The following ASPH variants were observed in gnomAD, a reference collection of about 807,000 sequenced individuals.
The protein encoded by ASPH is aspartate beta-hydroxylase.
ASPH carries 100 observed loss-of-function variants against 118.4 expected under a neutral mutation model. The observed-to-expected ratio is 0.84, with a 90% CI of 0.72 to 1.00. The LOEUF is 1.00. Ranked by LOEUF, ASPH falls within the 50% of genes least tolerant of loss-of-function variation. The pLI is 0.00. For synonymous variants in ASPH, 315 were observed against 325.6 expected, an observed-to-expected ratio of 0.97 and a Z score of 0.35; for missense variants, 920 against 919.5, an observed-to-expected ratio of 1.00 and a Z score of -0.01.
At chr8:61,634,271 T>C (rs1299304091) in intron 12 of ASPH, among the ~76,000 whole-genome samples, 2 of 152,194 alleles carry the variant, frequency 1.3e-5, no homozygotes, top group African/African-American at 4.8e-5. Context: ...TTTAAAGACA[T>C]AGTGATCTGA....
intron 15 of ASPH, among the ~76,000 whole-genome samples, chr8:61,577,718 A>C (rs1019083576): frequency 7.9e-5 from 12 of 152,182 alleles, no homozygotes; most frequent in African/African-American, 2.9e-4. Context: ...CGAAGGGGGA[A>C]GATCCCCTTA....
chr8:61,642,987 T>G, intron 9 of ASPH, 67 bp from the exon 10 acceptor site: 1 of 1,348,858 alleles, frequency 7.4e-7, no homozygotes, highest in Non-Finnish European at 1.0e-6. Flanking sequence ...ATTGTTCAGT[T>G]AAAACAAAAT....
chr8:61,568,193 G>T (rs1832388579), intron 16 of ASPH, among the ~76,000 whole-genome samples: 1 of 152,202 alleles, frequency 6.6e-6, no homozygotes, highest in South Asian at 2.1e-4. Flanking sequence ...CATGGTGGCA[G>T]CCGTATGGAG....
chr8:61,672,246 AAAG>A (rs1040440199), intron 3 of ASPH, among the ~76,000 whole-genome samples: 3 of 152,194 alleles, frequency 2.0e-5, no homozygotes, highest in East Asian at 1.9e-4. Context: ...CAGATTAAAA[AAAG>A]AAGAAGAAAA....
intron 13 of ASPH, chr8:61,633,071 T>C (rs1760247758): frequency 6.4e-6 from 1 of 155,168 alleles, no homozygotes; most frequent in Admixed American, 6.5e-5. Flanking sequence ...TTATGCCATC[T>C]CTAAAATGCA....
At chr8:61,584,103 G>T in intron 14 of ASPH, 74 bp from the exon 15 acceptor site, 1 of 966,288 alleles carries the variant, frequency 1.0e-6, no homozygotes, top group South Asian at 1.6e-5. Flanking sequence ...CAATTTACAA[G>T]TAGTGGGAAA....
intron 13 of ASPH, chr8:61,632,774 T>C (rs1856164515): frequency 4.0e-6 from 1 of 247,408 alleles, no homozygotes; most frequent in South Asian, 4.2e-5. Flanking sequence ...TTTTTTATCA[T>C]TAAAGAAAGA....
In ASPH at chr8:61,663,384, T is replaced by C. The variant is rs1817908477; in HGVS notation, c.323-9724A>G. 2.0e-6 allele frequency: 2 copies of C among 985,396 alleles called. 1 individual carries two copies. Among genetic ancestry groups the C allele is most frequent in the Admixed American group, 1.2e-4 (2 of 16,280 alleles). The allele number at this position is 985,396 out of a possible 1,614,324, so 61.0% of individuals were successfully genotyped here. ...ACTGGAATTATCTCTCCCAGAGCCATCTGCATTGGGATTGGTAAACTAGAG... is the reference window on the plus strand; with the variant it reads ...ACTGGAATTATCTCTCCCAGAGCCACCTGCATTGGGATTGGTAAACTAGAG... On this transcript the variant is annotated intron_variant, in intron 3 of 24. Transcript: ENST00000379454.
chr8:61,584,004 T>G lies in ASPH; in HGVS notation c.1002A>C (p.Leu334Phe). 1 of 1,572,088 alleles carries G rather than the reference T, an allele frequency of 6.4e-7. No individual in the cohort carries two copies. The highest frequency in any genetic ancestry group is 8.6e-7 in the Non-Finnish European group (1 of 1,156,504). ...CTTTAATAGTCTTATCAAATTTATT[T>G]AAAAGTTTAGGCTTCTTTTTCTTAA... Reference protein sequence around the residue: ...AKVKKKKPKLLNKFDKTIKAE... With the variant: ...AKVKKKKPKLFNKFDKTIKAE... The change falls in exon 15 of 25, where the codon TTA becomes TTC. Residue 334 changes from leucine (L) to phenylalanine (F), a missense_variant. Leu to Phe is a conservative substitution (Grantham distance 22, BLOSUM62 0). Coordinates refer to ENST00000379454, the MANE Select transcript of ASPH (RefSeq NM_004318.4).
chr8:61,653,322 C>T (rs1185588703), intron 4 of ASPH, among the ~76,000 whole-genome samples: 8 of 152,182 alleles, frequency 5.3e-5, no homozygotes, highest in African/African-American at 1.9e-4. Context: ...CAGTTCATGA[C>T]GTTCCTAAAT....
At chr8:61,603,848 G>C (rs1844823691) in intron 14 of ASPH, among the ~76,000 whole-genome samples, 1 of 152,080 alleles carries the variant, frequency 6.6e-6, no homozygotes, top group Non-Finnish European at 1.5e-5. Flanking sequence ...ACCACTAATT[G>C]GAAAAACAAG....
chr8:61,695,310 C>T (rs1245786000), intron 1 of ASPH, among the ~76,000 whole-genome samples: 2 of 152,204 alleles, frequency 1.3e-5, no homozygotes, highest in Admixed American at 6.5e-5. Flanking sequence ...ATACTGCTTT[C>T]GAGATAAAAT....
At chr8:61,545,280 A>G (rs1019282020) in intron 21 of ASPH, among the ~76,000 whole-genome samples, 31 of 152,218 alleles carry the variant, frequency 2.0e-4, no homozygotes, top group African/African-American at 7.0e-4. Flanking sequence ...CACAACAAGA[A>G]AGCACCATCT....
chr8:61,632,112 A>T (rs1005024835), intron 13 of ASPH: 1 of 152,158 alleles, frequency 6.6e-6, no homozygotes, highest in Admixed American at 6.6e-5. Context: ...ATAGGTCGGG[A>T]ACTATGCATA....
chr8:61,507,924 T>A (rs1049941818), intron 24 of ASPH, among the ~76,000 whole-genome samples: 1 of 152,164 alleles, frequency 6.6e-6, no homozygotes. Flanking sequence ...AGAAGCAGCA[T>A]TGGGGGTGGG....
intron 21 of ASPH, among the ~76,000 whole-genome samples, chr8:61,541,594 C>T (rs1484561687): frequency 6.6e-6 from 1 of 152,160 alleles, no homozygotes. Flanking sequence ...GTCAACTAAA[C>T]GGTCAATGAA....
intron 3 of ASPH, among the ~76,000 whole-genome samples, chr8:61,672,982 A>T (rs1184931590): frequency 4.6e-5 from 7 of 152,244 alleles, no homozygotes. Flanking sequence ...TGACCAAATT[A>T]AGAATAACTG....
intron 1 of ASPH, among the ~76,000 whole-genome samples, chr8:61,685,366 T>A (rs1483738195): frequency 6.6e-6 from 1 of 152,176 alleles, no homozygotes; most frequent in Non-Finnish European, 1.5e-5. Context: ...GGAATAATTA[T>A]CTGTTTTATA....
At position 61,614,369 on chromosome 8, in the gene ASPH, C is replaced by CT. The variant is rs540217857; in HGVS notation, c.976+4608dup. Among the ~76,000 whole-genome samples, 949 of 152,316 alleles carry CT rather than the reference C, an allele frequency of 6.2e-3. 14 individuals are homozygous for CT. The highest frequency in any genetic ancestry group is 0.022 in the African/African-American group (904 of 41,570). On this transcript the variant is annotated intron_variant, in intron 14 of 24. Coordinates refer to ENST00000379454, the MANE Select transcript of ASPH (RefSeq NM_004318.4). ...CACATTTCCTTTGCTCTTCAAATTTCTTTAAAGGCTCACAAATCCCAACTG... is the reference window on the plus strand; with the variant it reads ...CACATTTCCTTTGCTCTTCAAATTTCTTTTAAAGGCTCACAAATCCCAACTG...
Sources: gnomAD v4.1 joint callset for allele counts (sites outside exome capture counted in the v4.1 genomes callset) on GRCh38, gnomAD v4.1.1 for gene constraint, MANE v1.5 for transcripts, NCBI Gene and HGNC (gene_info 2026-07-23, HGNC 2026-07-21) for gene names.